Variants in NKAIN3 observed in about 807,000 individuals in gnomAD.
NKAIN3 encodes sodium/potassium transporting ATPase interacting 3.
A neutral mutation model predicts 30.2 loss-of-function variants in NKAIN3; 25 were observed. The observed-to-expected ratio is 0.83, with a 90% CI of 0.60 to 1.16. The LOEUF (loss-of-function observed/expected upper bound fraction) is 1.16. Among genes scored for constraint, NKAIN3 ranks in the 50% most tolerant of loss-of-function variants. The pLI, the probability that NKAIN3 is intolerant of heterozygous loss-of-function variation, is 0.00. For synonymous variants in NKAIN3, 91 were observed against 89.6 expected, an observed-to-expected ratio of 1.02 and a Z score of -0.09; for missense variants, 225 against 254.1, an observed-to-expected ratio of 0.89 and a Z score of 0.78.
intron 1 of NKAIN3, among the ~76,000 whole-genome samples, chr8:62,544,894 A>G (rs1050015658): frequency 5.3e-5 from 8 of 152,350 alleles, no homozygotes; most frequent in African/African-American, 1.4e-4. Flanking sequence ...TGTATTATAT[A>G]TTGTATTCTT....
intron 4 of NKAIN3, among the ~76,000 whole-genome samples, chr8:62,909,164 C>T (rs1209383245): frequency 2.6e-5 from 4 of 152,072 alleles, no homozygotes; most frequent in Non-Finnish European, 5.9e-5. Context: ...AGGTGTGAAA[C>T]CTAATCTAGT....
intron 1 of NKAIN3, among the ~76,000 whole-genome samples, chr8:62,273,686 G>A (rs1812841846): frequency 6.6e-6 from 1 of 152,266 alleles, no homozygotes; most frequent in East Asian, 1.9e-4. Context: ...AGGCTTTTAG[G>A]AAATCATCTG....
chr8:62,902,058 C>T (rs1333523646), intron 4 of NKAIN3, among the ~76,000 whole-genome samples: 2 of 152,164 alleles, frequency 1.3e-5, no homozygotes, highest in Non-Finnish European at 2.9e-5. Context: ...GCATGGGGAT[C>T]AGAGCACAGC....
intron 1 of NKAIN3, among the ~76,000 whole-genome samples, chr8:62,516,543 ATTG>A (rs1807990227): frequency 1.3e-5 from 2 of 152,264 alleles, no homozygotes; most frequent in South Asian, 2.1e-4. Context: ...AGTTCTCAAA[ATTG>A]TTGTTTGGTA....
intron 1 of NKAIN3, among the ~76,000 whole-genome samples, chr8:62,339,648 T>C (rs973753271): frequency 2.6e-5 from 4 of 152,102 alleles, no homozygotes; most frequent in Non-Finnish European, 4.4e-5. Context: ...TTCATCTTTT[T>C]CTTTAAAAAC....
At chr8:62,665,220 G>A (rs1159615328) in intron 3 of NKAIN3, among the ~76,000 whole-genome samples, 1 of 152,142 alleles carries the variant, frequency 6.6e-6, no homozygotes, top group African/African-American at 2.4e-5. Context: ...CTCCTAAGCA[G>A]ACTATTTATT....
rs561357704 is a variant in NKAIN3, at chr8:62,807,122, A to AT, written c.471+59994dup. On this transcript the variant is annotated intron_variant, in intron 4 of 6. Transcript: ENST00000623646. The stretch of plus-strand genomic sequence containing the variant: ...TTTCTTTTTGTTAATTTGTGCACAT[A>AT]TGCATTTGTGAAGATTTAGAATTTA... Among the ~76,000 whole-genome samples the AT allele has an allele frequency of 9.1e-4, 139 of 152,330 alleles. 1 individual carries two copies. Among genetic ancestry groups the AT allele is most frequent in the Middle Eastern group, 3.4e-3 (1 of 294 alleles).
intron 1 of NKAIN3, among the ~76,000 whole-genome samples, chr8:62,536,479 T>C (rs1163823898): frequency 6.6e-6 from 1 of 152,116 alleles, no homozygotes; most frequent in Admixed American, 6.6e-5. Context: ...TTTATTGAAT[T>C]ACATTTGCTC....
At chr8:62,761,713 CT>C (rs1242249344) in intron 4 of NKAIN3, among the ~76,000 whole-genome samples, 1 of 152,164 alleles carries the variant, frequency 6.6e-6, no homozygotes, top group Non-Finnish European at 1.5e-5. Context: ...ATGGCTGCAT[CT>C]TCTATTAGAA....
intron 1 of NKAIN3, among the ~76,000 whole-genome samples, chr8:62,532,545 C>G (rs1808521137): frequency 6.6e-6 from 1 of 152,194 alleles, no homozygotes; most frequent in Non-Finnish European, 1.5e-5. Context: ...CAGACAGGCT[C>G]AGCATTTTGC....
intron 3 of NKAIN3, among the ~76,000 whole-genome samples, chr8:62,668,294 C>T (rs1813194617): frequency 6.6e-6 from 1 of 152,140 alleles, no homozygotes; most frequent in Admixed American, 6.6e-5. Flanking sequence ...TAGAACTGGG[C>T]CTAACATCAG....
chr8:62,527,613 T>C (rs960812353), intron 1 of NKAIN3, among the ~76,000 whole-genome samples: 2 of 152,160 alleles, frequency 1.3e-5, no homozygotes, highest in African/African-American at 4.8e-5. Flanking sequence ...CGTTCCTATA[T>C]TTGAAATATA....
At chr8:62,833,695 C>T (rs541919744) in intron 4 of NKAIN3, among the ~76,000 whole-genome samples, 1 of 150,148 alleles carries the variant, frequency 6.7e-6, no homozygotes, top group East Asian at 2.0e-4. Context: ...GAAAACCTAC[C>T]AACAAAAAAA....
chr8:62,867,167 G>C (rs1820454023), intron 4 of NKAIN3, among the ~76,000 whole-genome samples: 1 of 149,796 alleles, frequency 6.7e-6, no homozygotes, highest in African/African-American at 2.5e-5. Flanking sequence ...TATTCAAGAA[G>C]CAGTCAGAAC....
chr8:62,990,315 T>C, intron 5 of NKAIN3: 1 of 1,391,710 alleles, frequency 7.2e-7, no homozygotes, highest in Non-Finnish European at 9.4e-7. Context: ...TGCATTATTT[T>C]AGAGTGTCAT....
chr8:62,504,518 T>C (rs1807571655), intron 1 of NKAIN3, among the ~76,000 whole-genome samples: 1 of 152,174 alleles, frequency 6.6e-6, no homozygotes, highest in South Asian at 2.1e-4. Context: ...TCATGTAGAT[T>C]CTGTTTCTCT....
At chr8:62,950,626 A>G (rs1371652687) in intron 5 of NKAIN3, among the ~76,000 whole-genome samples, 1 of 152,204 alleles carries the variant, frequency 6.6e-6, no homozygotes, top group African/African-American at 2.4e-5. Context: ...AACAAGTAAC[A>G]GTTTAAAAAG....
chr8:62,433,394 A>C (rs1805076008), intron 1 of NKAIN3, among the ~76,000 whole-genome samples: 1 of 152,168 alleles, frequency 6.6e-6, no homozygotes, highest in South Asian at 2.1e-4. Flanking sequence ...GATATTAGTA[A>C]AATAAAAATA....
chr8:62,881,225 A>G (rs746055841), intron 4 of NKAIN3, among the ~76,000 whole-genome samples: 7 of 152,150 alleles, frequency 4.6e-5, no homozygotes, highest in African/African-American at 7.2e-5. Context: ...ACCTCCATCC[A>G]TCATTATAGT....
Sources: gnomAD v4.1 joint callset for allele counts (sites outside exome capture counted in the v4.1 genomes callset) on GRCh38, gnomAD v4.1.1 for gene constraint, MANE v1.5 for transcripts, NCBI Gene and HGNC (gene_info 2026-07-23, HGNC 2026-07-21) for gene names.